Variants in MOK observed in about 807,000 individuals in gnomAD.
The protein encoded by MOK is MAPK/MAK/MRK overlapping kinase.
In MOK, 59 loss-of-function variants were observed where a neutral mutation model predicts 54.2. That is an observed-to-expected ratio of 1.09 (90% confidence interval 0.88 to 1.35). The LOEUF is 1.35. MOK is among the 40% of genes most tolerant of loss of function. The pLI, the probability that MOK is intolerant of heterozygous loss-of-function variation, is 0.00. For missense variants in MOK, 517 were observed against 526.2 expected (o/e 0.98, Z 0.17); for synonymous variants, 210 against 202.7 (o/e 1.04, Z -0.31).
Position 102,238,615 on chromosome 14 carries a change from C to A in MOK, c.591-4826G>T, listed in dbSNP as rs1046988027. Among the ~76,000 whole-genome samples, 2 of 152,064 alleles carry A rather than the reference C, an allele frequency of 1.3e-5. 1 individual carries two copies. Among genetic ancestry groups the A allele is most frequent in the South Asian group, 4.1e-4 (2 of 4,824 alleles). On this transcript the variant is annotated intron_variant, in intron 7 of 11. Coordinates refer to ENST00000361847, the MANE Select transcript of MOK (RefSeq NM_014226.3). This position sits in a 1 kb window ranked among gnomAD's most constrained non-coding sequence, Gnocchi z 4.8. ...CCTGCAGTCCAACCTCAGTACCCCC[C>A]ACTGAAAAAGCCTCATTACTATAAC...
At chr14:102,254,938 A>G (rs570348551) in intron 4 of MOK, among the ~76,000 whole-genome samples, 1 of 152,356 alleles carries the variant, frequency 6.6e-6, no homozygotes, top group East Asian at 1.9e-4. Flanking sequence ...TACTCGTATC[A>G]TAAAATTGTC....
chr14:102,299,190 CCTCATTGTAAT>C (rs2071854731), intron 1 of MOK, among the ~76,000 whole-genome samples: 1 of 152,154 alleles, frequency 6.6e-6, no homozygotes, highest in African/African-American at 2.4e-5. Flanking sequence ...ACAGTTTAAA[CCTCATTGTAAT>C]TACAACAGAT....
chr14:102,281,044 C>T (rs2069365333), intron 2 of MOK, among the ~76,000 whole-genome samples: 1 of 152,080 alleles, frequency 6.6e-6, no homozygotes. Flanking sequence ...AAAAATTAGG[C>T]TGGGCATGGT....
intron 2 of MOK, among the ~76,000 whole-genome samples, chr14:102,276,222 C>T (rs746520210): frequency 2.5e-4 from 38 of 152,146 alleles, no homozygotes; most frequent in Non-Finnish European, 3.7e-4. Context: ...TGGTGGCTCA[C>T]GCCTGTAATC....
Position 102,232,825 on chromosome 14 carries a change from C to T in MOK, c.693-117G>A, listed in dbSNP as rs2064856425. The T allele has an allele frequency of 2.3e-6, 2 of 860,768 alleles. No individual in the cohort carries two copies. Among genetic ancestry groups the T allele is most frequent in the East Asian group, 2.7e-5 (1 of 37,482 alleles). 53.3% of individuals were successfully genotyped at this position (860,768 alleles called of 1,614,324 possible). ...GAATGGTTTATGACTGCAGAGTCTACACCTGTCCCAGCCCACAGAACGTGC... is the reference window on the plus strand; with the variant it reads ...GAATGGTTTATGACTGCAGAGTCTATACCTGTCCCAGCCCACAGAACGTGC... On this transcript the variant is annotated intron_variant, in intron 8 of 11. Transcript: ENST00000361847. The surrounding 1 kb of genome is among the most constrained non-coding windows in gnomAD (Gnocchi z 5.1).
At chr14:102,222,918 T>A (rs562858833), downstream of MOK, 269 of 1,613,454 alleles carry the variant, frequency 1.7e-4, 5 homozygotes, top group Admixed American at 4.4e-3. The surrounding 1 kb of genome is among the most constrained non-coding windows in gnomAD (Gnocchi z 4.4). Flanking sequence ...CTCCCGGGAC[T>A]TGGACTCGAG....
At chr14:102,246,633 T>C (rs941198331) in intron 7 of MOK, among the ~76,000 whole-genome samples, 49 of 151,982 alleles carry the variant, frequency 3.2e-4, no homozygotes, top group African/African-American at 1.2e-3. Flanking sequence ...CATCCTGAAA[T>C]CCTCATTAAC....
intron 1 of MOK, among the ~76,000 whole-genome samples, chr14:102,302,082 A>C (rs1322854457): frequency 6.7e-6 from 1 of 148,594 alleles, no homozygotes; most frequent in African/African-American, 2.5e-5. Flanking sequence ...GTATACACAC[A>C]TATACTTTTT....
At chr14:102,250,719 A>G in intron 7 of MOK, 93 bp downstream of exon 7, 1 of 1,201,460 alleles carries the variant, frequency 8.3e-7, no homozygotes, top group African/African-American at 1.5e-5. Context: ...AACCAGAATG[A>G]CCATGACATC....
chr14:102,251,365 A>G (rs1224217910), intron 6 of MOK: 1 of 389,552 alleles, frequency 2.6e-6, no homozygotes, highest in African/African-American at 2.1e-5. Flanking sequence ...CTCTGCTGAC[A>G]GCCAGTGACA....
rs1428257061 is a variant in MOK at position 102,235,855 on chromosome 14, G to C, written c.591-2066C>G. 6.6e-6 allele frequency among the ~76,000 whole-genome samples: 1 copy of C among 152,142 alleles called. No homozygotes were observed. Among genetic ancestry groups the C allele is most frequent in the Non-Finnish European group, 1.5e-5 (1 of 68,020 alleles). Reference sequence around the variant, plus strand: ...AGACCTCCTTAACTTGGCTTTCAAAGTCTTTAATAACAGGGATGAGCAAAA... The same window carrying C: ...AGACCTCCTTAACTTGGCTTTCAAACTCTTTAATAACAGGGATGAGCAAAA... On this transcript the variant is annotated intron_variant, in intron 7 of 11. Transcript: ENST00000361847. The surrounding 1 kb of genome is among the most constrained non-coding windows in gnomAD (Gnocchi z 4.4).
intron 1 of MOK, among the ~76,000 whole-genome samples, chr14:102,297,983 G>C (rs2071639835): frequency 6.6e-6 from 1 of 152,192 alleles, no homozygotes; most frequent in East Asian, 1.9e-4. Flanking sequence ...CCCGCTGTGG[G>C]CTCCTGCGCA....
chr14:102,224,934 C>T, downstream of MOK: 1 of 386,718 alleles, frequency 2.6e-6, no homozygotes, highest in East Asian at 7.2e-5. Flanking sequence ...GTATTTCTGT[C>T]ATCTTAAAGT....
At chr14:102,284,160 C>T (rs1036186646) in intron 1 of MOK, among the ~76,000 whole-genome samples, 2 of 151,956 alleles carry the variant, frequency 1.3e-5, no homozygotes, top group African/African-American at 4.8e-5. Flanking sequence ...AAATGCCTTC[C>T]TGCTTGATAC....
At position 102,240,261 on chromosome 14, in the gene MOK, TAAAC is replaced by T. The variant is rs1302654236; in HGVS notation, c.591-6476_591-6473del. Among the ~76,000 whole-genome samples the T allele has an allele frequency of 6.6e-6, 1 of 152,162 alleles. No individual in the cohort carries two copies. Among genetic ancestry groups the T allele is most frequent in the African/African-American group, 2.4e-5 (1 of 41,444 alleles). Reference sequence around the variant, plus strand: ...TCAGCCCGCCTGCACCCAGGTGAAATAAACAGCCTTGTTGCTCACACAAAGCCCG... The same window carrying T: ...TCAGCCCGCCTGCACCCAGGTGAAATAGCCTTGTTGCTCACACAAAGCCCG... On this transcript the variant is annotated intron_variant, in intron 7 of 11. Coordinates refer to ENST00000361847, the MANE Select transcript of MOK (RefSeq NM_014226.3). This position sits in a 1 kb window ranked among gnomAD's most constrained non-coding sequence, Gnocchi z 5.4.
Position 102,229,367 on chromosome 14 carries a change from C to T in MOK, c.1183-1G>A. The T allele has an allele frequency of 6.2e-7, 1 of 1,614,216 alleles. No homozygotes were observed. The highest frequency in any genetic ancestry group is 1.3e-5 in the African/African-American group (1 of 75,078). ...GCTTAAGGTCCTTCTGCGGATCTGT[C>T]TGTCAAAGAAAAATTACAGACACAA... On this transcript the variant is annotated splice_acceptor_variant, in intron 11 of 11. Transcript: ENST00000361847. LOFTEE classifies it high-confidence loss of function.
intron 4 of MOK, among the ~76,000 whole-genome samples, chr14:102,261,370 G>A (rs1292557714): frequency 2.1e-5 from 2 of 97,086 alleles, no homozygotes; most frequent in Admixed American, 1.6e-4. Flanking sequence ...AGTGAGCTGA[G>A]ATCGCGCCAC....
At chr14:102,218,841 C>T in the MOK span, among the ~76,000 whole-genome samples, 1 of 152,244 alleles carries the variant, frequency 6.6e-6, no homozygotes, top group Admixed American at 6.5e-5. Flanking sequence ...CTGGAATTGC[C>T]AGCTGTCCTG....
intron 4 of MOK, among the ~76,000 whole-genome samples, chr14:102,256,107 T>A (rs76141924): frequency 0.076 from 11,582 of 151,678 alleles, 447 homozygotes; most frequent in South Asian, 0.12. Context: ...TATTATTATT[T>A]TTTTTTTTTG....
Sources: allele counts gnomAD v4.1 joint callset (sites outside exome capture counted in the v4.1 genomes callset), GRCh38; gene constraint gnomAD v4.1.1; non-coding constraint Gnocchi (gnomAD v3.1); transcripts MANE v1.5; gene names NCBI Gene and HGNC (gene_info 2026-07-23, HGNC 2026-07-21).